The following ACAP3 variants were observed in gnomAD, a reference collection of about 807,000 sequenced individuals.
ACAP3 encodes the protein arf-GAP with coiled-coil, ANK repeat and PH domain-containing protein 3.
A neutral mutation model predicts 104.1 loss-of-function variants in ACAP3; 56 were observed. The ratio of observed to expected loss-of-function variants is 0.54; its 90% confidence interval spans 0.43 to 0.67. ACAP3 has a LOEUF of 0.67. ACAP3 is among the 30% of genes least tolerant of loss of function. The pLI is 0.00. For missense variants in ACAP3, 1,208 were observed against 1,174.9 expected, an observed-to-expected ratio of 1.03 and a Z score of -0.41; for synonymous variants, 628 against 496.2, an observed-to-expected ratio of 1.27 and a Z score of -3.53.
chr1:1,302,842 G>A (rs558711628), intron 4 of ACAP3, 80 bp downstream of exon 4: 19 of 1,095,542 alleles, frequency 1.7e-5, no homozygotes, highest in Admixed American at 1.4e-4. Flanking sequence ...CCCCCAACCC[G>A]ACGCCGGCCT....
At chr1:1,304,470 T>C (rs1424804212) in intron 1 of ACAP3, 1 of 477,978 alleles carries the variant, frequency 2.1e-6, no homozygotes, top group African/African-American at 2.0e-5. Flanking sequence ...CACCCGCCTC[T>C]CCTCTAGGAG....
In ACAP3 at chr1:1,296,937, G is replaced by A. The variant is rs578063503; in HGVS notation, c.1129-304C>T. Among the ~76,000 whole-genome samples the A allele has an allele frequency of 2.4e-4, 36 of 152,256 alleles. 1 individual carries two copies. In the East Asian group the frequency reaches 4.8e-3, roughly 20 times the overall value. ...TGGTGCCGAGCACACTCCCACACGC[G>A]CGTGTATACGTGCACACCCTCACAT... On this transcript the variant is annotated intron_variant, in intron 14 of 23. Coordinates refer to ENST00000354700, the MANE Select transcript of ACAP3 (RefSeq NM_030649.3).
chr1:1,293,684 C>T lies in ACAP3; in HGVS notation c.2385G>A (p.Glu795=). 1 of 1,419,896 alleles carries T rather than the reference C, an allele frequency of 7.0e-7. No homozygotes were observed. The highest frequency in any genetic ancestry group is 1.4e-5 in the South Asian group (1 of 72,908). The allele number at this position is 1,419,896 out of a possible 1,614,324, so 88.0% of individuals were successfully genotyped here. The change falls in exon 24 of 24, where the codon GAG becomes GAA. Residue 795 remains glutamate (E), a synonymous_variant. Coordinates refer to ENST00000354700, the MANE Select transcript of ACAP3 (RefSeq NM_030649.3). ...GGGCAGCCTCGGCCTCGCGCATTTC[C>T]TCCGCCATGCGCGCCAGACGGAGCC... ...VTLLRLARMA[E]EMREAEAAPG...
At position 1,307,898 on chromosome 1, in the gene ACAP3, C is replaced by A; in HGVS notation, c.-83G>T. The A allele has an allele frequency of 1.2e-6, 1 of 830,976 alleles. No homozygotes were observed. The highest frequency in any genetic ancestry group is 5.2e-5 in the South Asian group (1 of 19,064). 51.5% of individuals were successfully genotyped at this position (830,976 alleles called of 1,614,324 possible). A position where few individuals can be genotyped will look rare whatever the true frequency, so the allele number is the denominator to read the frequency against. On this transcript the variant is annotated 5_prime_UTR_variant, in exon 1 of 24. Coordinates refer to ENST00000354700, the MANE Select transcript of ACAP3 (RefSeq NM_030649.3). The stretch of plus-strand genomic sequence containing the variant: ...CGCCGGCCCGGACCGCTCGTCCCGC[C>A]CGCGCCGCCTCGGCGCCCGCCCGCC...
Position 1,293,481 on chromosome 1 carries a change from C to A in ACAP3, c.*83G>T, listed in dbSNP as rs1640931954. On this transcript the variant is annotated 3_prime_UTR_variant, in exon 24 of 24. Transcript: ENST00000354700. Reference sequence around the variant, plus strand: ...ATCGACCCGCGGGTCACACGCAGGGCCGCGGCCGGGTGGGCGCCAGGGACT... The same window carrying A: ...ATCGACCCGCGGGTCACACGCAGGGACGCGGCCGGGTGGGCGCCAGGGACT... 2 of 1,306,038 alleles carry A rather than the reference C, an allele frequency of 1.5e-6. No homozygotes were observed. Among genetic ancestry groups the A allele is most frequent in the South Asian group, 3.6e-5 (2 of 56,314 alleles). The allele number at this position is 1,306,038 out of a possible 1,614,324, so 80.9% of individuals were successfully genotyped here.
At chr1:1,298,217 C>T in intron 12 of ACAP3, 104 bp from the exon 13 acceptor site, 1 of 1,569,336 alleles carries the variant, frequency 6.4e-7, no homozygotes, top group Non-Finnish European at 8.6e-7. Flanking sequence ...GCCTGAGCCC[C>T]AAGCCCCGTG....
chr1:1,302,905 A>G lies in ACAP3; in HGVS notation c.279+17T>C. ...AGGCCAGGCACAGCCCACAGGTGGC[A>G]GGGAGGCCGCGCTCACCATGTGGTA... is the stretch of plus-strand genomic sequence containing the variant. On this transcript the variant is annotated intron_variant, in intron 4 of 23. Transcript: ENST00000354700. The G allele has an allele frequency of 6.2e-7, 1 of 1,602,244 alleles. No individual in the cohort carries two copies. The highest frequency in any genetic ancestry group is 2.3e-5 in the East Asian group (1 of 44,294).
At chr1:1,307,733 G>C (rs1049355090) in intron 1 of ACAP3, 36 bp downstream of exon 1, 144 of 1,084,656 alleles carry the variant, frequency 1.3e-4, no homozygotes, top group Non-Finnish European at 1.5e-4. Flanking sequence ...CGACGCCCCC[G>C]GCCTGCGCCC....
rs1641331961 is a variant in ACAP3 at position 1,299,177 on chromosome 1, G to A, written c.750+168C>T. 3.3e-5 allele frequency: 29 copies of A among 882,152 alleles called. No homozygotes were observed. In the South Asian group the frequency reaches 4.6e-4, roughly 14 times the overall value. 54.6% of individuals were successfully genotyped at this position (882,152 alleles called of 1,614,324 possible). On this transcript the variant is annotated intron_variant, in intron 10 of 23. Coordinates refer to ENST00000354700, the MANE Select transcript of ACAP3 (RefSeq NM_030649.3). ...AGCTGCCGCCAACCCCACGGGGAATGTGGAGGTCTGGCCGGAGCCAGCCCC... is the reference window on the plus strand; with the variant it reads ...AGCTGCCGCCAACCCCACGGGGAATATGGAGGTCTGGCCGGAGCCAGCCCC...
In ACAP3 at chr1:1,303,992, G is replaced by C. The variant is rs897539122; in HGVS notation, c.105+94C>G. ...CACACGCATGCTCCACATATGGGGGGTGTAAGTGGCTTAGTAAGGCCTGGA... is the reference window on the plus strand; with the variant it reads ...CACACGCATGCTCCACATATGGGGGCTGTAAGTGGCTTAGTAAGGCCTGGA... On this transcript the variant is annotated intron_variant, in intron 2 of 23. Coordinates refer to ENST00000354700, the MANE Select transcript of ACAP3 (RefSeq NM_030649.3). This position sits in a 1 kb window ranked among gnomAD's most constrained non-coding sequence, Gnocchi z 4.0. 4 of 1,432,554 alleles carry C rather than the reference G, an allele frequency of 2.8e-6. No homozygotes were observed. In the African/African-American group the frequency reaches 4.2e-5, roughly 15 times the overall value. 88.7% of individuals were successfully genotyped at this position (1,432,554 alleles called of 1,614,324 possible).
chr1:1,295,415 C>T (rs1641082440), intron 19 of ACAP3, 32 bp downstream of exon 19: 1 of 1,600,160 alleles, frequency 6.2e-7, no homozygotes, highest in Non-Finnish European at 8.6e-7. Flanking sequence ...TGGCCCTGCC[C>T]TGCCACCTGG....
Position 1,296,109 on chromosome 1 carries a change from G to A in ACAP3, c.1408C>T (p.Leu470=), listed in dbSNP as rs770189542. ...GCGCTGTTTCCAAGCTCACACATCA[G>A]CTAGCGGGAGACAGGGCGAGCAGGC... ...LDSWEPELLK[L]MCELGNSAVN... The change falls in exon 17 of 24, where the codon CTG becomes TTG. Residue 470 remains leucine, a splice_region_variant and synonymous_variant. Coordinates refer to ENST00000354700, the MANE Select transcript of ACAP3 (RefSeq NM_030649.3). 5.0e-6 allele frequency: 8 copies of A among 1,612,604 alleles called. No homozygotes were observed. The highest frequency in any genetic ancestry group is 5.9e-6 in the Non-Finnish European group (7 of 1,179,962).
chr1:1,302,916 G>A lies in ACAP3; in HGVS notation c.279+6C>T, dbSNP rs774147416. The stretch of plus-strand genomic sequence containing the variant: ...AGCCCACAGGTGGCAGGGAGGCCGC[G>A]CTCACCATGTGGTAGTTCACCACCT... On this transcript the variant is annotated splice_donor_region_variant and intron_variant, in intron 4 of 23. Transcript: ENST00000354700. 57 of 1,610,534 alleles carry A rather than the reference G, an allele frequency of 3.5e-5. No homozygotes were observed. Among genetic ancestry groups the A allele is most frequent in the Middle Eastern group, 1.7e-4 (1 of 5,986 alleles).
chr1:1,304,341 G>A lies in ACAP3; in HGVS notation c.48-198C>T, dbSNP rs1333747835. The A allele has an allele frequency of 5.1e-6, 3 of 593,264 alleles. No homozygotes were observed. The South Asian group carries it at 6.0e-5, about 12-fold the overall frequency. 36.7% of individuals were successfully genotyped at this position (593,264 alleles called of 1,614,324 possible). ...ACTTCCCCCCGCCCCCCCAACCCCA[G>A]GCAGGCAGAGGCAGCCGCTGCTGTG... On this transcript the variant is annotated intron_variant, in intron 1 of 23. Coordinates refer to ENST00000354700, the MANE Select transcript of ACAP3 (RefSeq NM_030649.3).
At chr1:1,296,872 C>T (rs1045893457) in intron 14 of ACAP3, among the ~76,000 whole-genome samples, 20 of 152,048 alleles carry the variant, frequency 1.3e-4, no homozygotes, top group Admixed American at 6.5e-4. Context: ...AGCACACGCC[C>T]GCACACGCAC....
Position 1,299,431 on chromosome 1 carries a change from G to A in ACAP3, c.739-75C>T. 2.1e-6 allele frequency: 3 copies of A among 1,438,944 alleles called. No homozygotes were observed. In the South Asian group the frequency reaches 4.3e-5, roughly 21 times the overall value. 89.1% of individuals were successfully genotyped at this position (1,438,944 alleles called of 1,614,324 possible). A position where few individuals can be genotyped will look rare whatever the true frequency, so the allele number is the denominator to read the frequency against. ...GGCTGCCAACTCCTGGTGACTGGTG[G>A]ACCCGTCCCCAACTCCTGGTGACTG... is the stretch of plus-strand genomic sequence containing the variant. On this transcript the variant is annotated intron_variant, in intron 9 of 23. Transcript: ENST00000354700.
chr1:1,304,216 C>G (rs967876594), intron 1 of ACAP3, 73 bp from the exon 2 acceptor site: 1 of 1,516,376 alleles, frequency 6.6e-7, no homozygotes, highest in African/African-American at 1.4e-5. Flanking sequence ...CCCCCCGCAC[C>G]TCCCTGAGGG....
In ACAP3 at chr1:1,294,806, G is replaced by A. The variant is rs765039470; in HGVS notation, c.1824C>T (p.Ser608=). 5.8e-6 allele frequency: 9 copies of A among 1,549,856 alleles called. No homozygotes were observed. Among genetic ancestry groups the A allele is most frequent in the South Asian group, 2.4e-5 (2 of 84,052 alleles). The change falls in exon 20 of 24, where the codon AGC becomes AGT. Residue 608 remains serine, a synonymous_variant. Transcript: ENST00000354700. The stretch of plus-strand genomic sequence containing the variant: ...CCGAGCTGCCCCCAAGGCCACTGTC[G>A]CTACTCAGACCTGCAGGTCCGCAGG... ...AAGAGPRSLS[S]DSGLGGSSDG... is the part of the protein sequence containing the mutation.
chr1:1,296,922 C>T (rs1039073242), intron 14 of ACAP3, among the ~76,000 whole-genome samples: 1 of 152,172 alleles, frequency 6.6e-6, no homozygotes, highest in Non-Finnish European at 1.5e-5. Context: ...TGGTGCCGAG[C>T]ACACTCCCAC....
Sources: allele counts gnomAD v4.1 joint callset (sites outside exome capture counted in the v4.1 genomes callset), GRCh38; gene constraint gnomAD v4.1.1; non-coding constraint Gnocchi (gnomAD v3.1); transcripts MANE v1.5; gene names NCBI Gene and HGNC (gene_info 2026-07-23, HGNC 2026-07-21).